APBA1: variants seen among roughly 807,000 people sequenced by gnomAD.
APBA1 encodes the protein amyloid beta precursor protein binding family A member 1, also known as amyloid-beta A4 precursor protein-binding family A member 1.
Under a neutral mutation model 86.6 loss-of-function variants are expected in APBA1, and 55 were observed. That is an observed-to-expected ratio of 0.64 (90% CI 0.51 to 0.80). The LOEUF (loss-of-function observed/expected upper bound fraction) is 0.80, where lower values mean the gene tolerates loss of function less well. Among genes scored for constraint, APBA1 ranks in the 30% least tolerant of loss-of-function variants. APBA1 has a pLI of 0.00. For missense variants in APBA1, 1,090 were observed against 1,183.0 expected, an observed-to-expected ratio of 0.92 and a Z score of 1.15; for synonymous variants, 511 against 493.9, an observed-to-expected ratio of 1.03 and a Z score of -0.46.
intron 1 of APBA1, among the ~76,000 whole-genome samples, chr9:69,608,622 C>T (rs774468185): frequency 2.0e-5 from 3 of 152,208 alleles, no homozygotes; most frequent in Non-Finnish European, 2.9e-5. Context: ...CACAAAGGAA[C>T]ATCTGTAAAT....
At chr9:69,484,189 T>C (rs1041133520) in intron 2 of APBA1, among the ~76,000 whole-genome samples, 21 of 152,152 alleles carry the variant, frequency 1.4e-4, no homozygotes, top group African/African-American at 5.1e-4. Context: ...ATTTCCTATT[T>C]CTCAATTGCT....
intron 1 of APBA1, among the ~76,000 whole-genome samples, chr9:69,562,375 C>A (rs1564077926): frequency 6.7e-6 from 1 of 149,100 alleles, no homozygotes. Context: ...TCTTTCTTTT[C>A]TTTTCTTTTT....
intron 1 of APBA1, among the ~76,000 whole-genome samples, chr9:69,591,177 G>A (rs930127094): frequency 6.6e-6 from 1 of 152,166 alleles, no homozygotes; most frequent in Non-Finnish European, 1.5e-5. Context: ...TCCGATGTGA[G>A]GTCCTGATGA....
At chr9:69,672,486 G>A (rs1458282731), upstream of APBA1, among the ~76,000 whole-genome samples, 1 of 147,620 alleles carries the variant, frequency 6.8e-6, no homozygotes, top group Non-Finnish European at 1.5e-5. Flanking sequence ...GAGCGCGCGC[G>A]CGCACGCCGC....
Position 69,452,121 on chromosome 9 carries a change from C to T in APBA1, c.1968+1G>A. 1 of 1,613,810 alleles carries T rather than the reference C, an allele frequency of 6.2e-7. No homozygotes were observed. The highest frequency in any genetic ancestry group is 1.7e-5 in the Admixed American group (1 of 60,006). ...GAGAACAGCTTCAGGTAAGTACCCA[C>T]ATCTTTACAGTTTTCCGACTTGGAG... On this transcript the variant is annotated splice_donor_variant, in intron 9 of 12. Coordinates refer to ENST00000265381, the MANE Select transcript of APBA1 (RefSeq NM_001163.4). LOFTEE classifies it high-confidence loss of function.
At chr9:69,473,465 C>T (rs1432498904) in intron 3 of APBA1, among the ~76,000 whole-genome samples, 1 of 152,154 alleles carries the variant, frequency 6.6e-6, no homozygotes, top group Non-Finnish European at 1.5e-5. Context: ...TGCTTAGCCT[C>T]CAGGTATATC....
At chr9:69,613,497 C>T (rs1408646501) in intron 1 of APBA1, among the ~76,000 whole-genome samples, 2 of 152,110 alleles carry the variant, frequency 1.3e-5, no homozygotes, top group Non-Finnish European at 2.9e-5. Context: ...TCTTGCTGCA[C>T]GAGATTTATA....
intron 1 of APBA1, among the ~76,000 whole-genome samples, chr9:69,599,069 G>A (rs920341306): frequency 1.3e-5 from 2 of 152,188 alleles, no homozygotes; most frequent in Non-Finnish European, 2.9e-5. Flanking sequence ...GGGCTGGGAA[G>A]AGAGGGAAAG....
intron 1 of APBA1, among the ~76,000 whole-genome samples, chr9:69,518,092 C>G (rs1836196500): frequency 6.6e-6 from 1 of 152,068 alleles, no homozygotes; most frequent in South Asian, 2.1e-4. Flanking sequence ...ACTCAGCATC[C>G]AGGATACAAC....
intron 1 of APBA1, among the ~76,000 whole-genome samples, chr9:69,572,683 T>A (rs1837134776): frequency 6.6e-6 from 1 of 152,158 alleles, no homozygotes; most frequent in African/African-American, 2.4e-5. Flanking sequence ...ATCTGAGCAT[T>A]TGCCACATTT....
At chr9:69,606,673 T>C (rs569118740) in intron 1 of APBA1, among the ~76,000 whole-genome samples, 2 of 151,932 alleles carry the variant, frequency 1.3e-5, no homozygotes, top group South Asian at 4.2e-4. Context: ...TTTGTATTTT[T>C]AGTAGAGACA....
intron 1 of APBA1, among the ~76,000 whole-genome samples, chr9:69,563,102 C>T (rs536151634): frequency 2.0e-5 from 3 of 152,264 alleles, no homozygotes; most frequent in Non-Finnish European, 2.9e-5. Context: ...GGGGTAAACT[C>T]GATCCCTTCC....
chr9:69,527,292 T>G (rs1836359433), intron 1 of APBA1, among the ~76,000 whole-genome samples: 1 of 152,080 alleles, frequency 6.6e-6, no homozygotes, highest in South Asian at 2.1e-4. Flanking sequence ...GTACATTTAT[T>G]AATATTATTA....
At chr9:69,664,678 G>A (rs1355696197) in intron 1 of APBA1, among the ~76,000 whole-genome samples, 1 of 152,152 alleles carries the variant, frequency 6.6e-6, no homozygotes, top group African/African-American at 2.4e-5. Context: ...TTCACTCTTT[G>A]CCTATATTCC....
intron 1 of APBA1, among the ~76,000 whole-genome samples, chr9:69,543,536 T>G (rs2133920661): frequency 6.6e-6 from 1 of 152,294 alleles, no homozygotes; most frequent in Non-Finnish European, 1.5e-5. Flanking sequence ...GCACAGGCTC[T>G]AGGCTGAGAA....
intron 5 of APBA1, among the ~76,000 whole-genome samples, chr9:69,460,115 T>C (rs934866100): frequency 1.3e-5 from 2 of 152,196 alleles, no homozygotes; most frequent in African/African-American, 2.4e-5. Flanking sequence ...GTGACTAAAA[T>C]ATGTTGCCTA....
intron 1 of APBA1, among the ~76,000 whole-genome samples, chr9:69,601,862 CT>C (rs1822355825): frequency 6.6e-6 from 1 of 152,164 alleles, no homozygotes; most frequent in Non-Finnish European, 1.5e-5. Flanking sequence ...ACATTTTCCC[CT>C]GTATTCCAAC....
At chr9:69,630,243 C>T (rs998829263) in intron 1 of APBA1, among the ~76,000 whole-genome samples, 5 of 151,978 alleles carry the variant, frequency 3.3e-5, no homozygotes, top group Admixed American at 3.3e-4. Context: ...CATGGAGGAA[C>T]AGAAAGAAGA....
intron 2 of APBA1, among the ~76,000 whole-genome samples, chr9:69,498,481 T>C (rs10867671): frequency 0.16 from 24,177 of 152,044 alleles, 2,713 homozygotes; most frequent in African/African-American, 0.29. Flanking sequence ...TACACAGCAA[T>C]AGATAATTAA....
Sources: gnomAD v4.1 joint callset for allele counts (sites outside exome capture counted in the v4.1 genomes callset) on GRCh38, gnomAD v4.1.1 for gene constraint, MANE v1.5 for transcripts, NCBI Gene and HGNC (gene_info 2026-07-23, HGNC 2026-07-21) for gene names.